The following CENPC variants were observed in gnomAD, a reference collection of about 807,000 sequenced individuals.
CENPC encodes the protein centromere protein C.
Under a neutral mutation model 112.1 loss-of-function variants are expected in CENPC, and 63 were observed. The observed-to-expected ratio is 0.56, with a 90% confidence interval of 0.46 to 0.69. The LOEUF is 0.69. Among genes scored for constraint, CENPC ranks in the 30% least tolerant of loss-of-function variants. CENPC has a pLI of 0.00. For missense variants in CENPC, 1,000 were observed against 1,103.8 expected, an observed-to-expected ratio of 0.91 and a Z score of 1.33; for synonymous variants, 333 against 367.6, an observed-to-expected ratio of 0.91 and a Z score of 1.08.
intron 10 of CENPC, 55 bp downstream of exon 10, chr4:67,508,759 A>G (rs1725805503): frequency 2.0e-6 from 3 of 1,526,608 alleles, no homozygotes; most frequent in Non-Finnish European, 2.7e-6. Context: ...AATAGCACAA[A>G]TTATTAAATG....
chr4:67,536,457 A>G (rs920595373), intron 4 of CENPC, among the ~76,000 whole-genome samples: 3 of 152,222 alleles, frequency 2.0e-5, no homozygotes, highest in African/African-American at 7.2e-5. Context: ...GTTGTGTTTC[A>G]GTTAAAACCT....
At chr4:67,508,649 C>G (rs977321707) in intron 10 of CENPC, among the ~76,000 whole-genome samples, 165 bp downstream of exon 10, 2 of 151,818 alleles carry the variant, frequency 1.3e-5, no homozygotes, top group East Asian at 3.9e-4. Flanking sequence ...TACTACTTTG[C>G]CTGTGTGTCA....
At position 67,514,694 on chromosome 4, in the gene CENPC, C is replaced by G. The variant is rs1726007443; in HGVS notation, c.831-7G>C. Reference sequence around the variant, plus strand: ...CGCATGCCTAACAATGGGACTGAAACAGGGTGATACTTTTAACAGTTCAAA... The same window carrying G: ...CGCATGCCTAACAATGGGACTGAAAGAGGGTGATACTTTTAACAGTTCAAA... On this transcript the variant is annotated splice_polypyrimidine_tract_variant and splice_region_variant and intron_variant, in intron 7 of 18. Transcript: ENST00000273853. 1 of 1,595,262 alleles carries G rather than the reference C, an allele frequency of 6.3e-7. No homozygotes were observed. The highest frequency in any genetic ancestry group is 8.5e-7 in the Non-Finnish European group (1 of 1,169,640).
chr4:67,515,969 T>C (rs1726047180), intron 7 of CENPC, among the ~76,000 whole-genome samples: 1 of 152,058 alleles, frequency 6.6e-6, no homozygotes, highest in African/African-American at 2.4e-5. Flanking sequence ...GCAGAAAGCC[T>C]ATATCATGAA....
chr4:67,543,007 G>A (rs1464638876), intron 2 of CENPC, among the ~76,000 whole-genome samples: 2 of 152,120 alleles, frequency 1.3e-5, no homozygotes, highest in Non-Finnish European at 2.9e-5. Flanking sequence ...TAGCATAAAA[G>A]CACCTCCACC....
At chr4:67,492,138 A>C (rs1427620055) in intron 16 of CENPC, 42 bp downstream of exon 16, 3 of 1,280,786 alleles carry the variant, frequency 2.3e-6, no homozygotes, top group Non-Finnish European at 3.3e-6. Flanking sequence ...TTTTCTTACA[A>C]ATTGTTTAAT....
intron 13 of CENPC, 91 bp downstream of exon 13, chr4:67,495,068 C>T (rs1198441318): frequency 8.3e-7 from 1 of 1,203,604 alleles, no homozygotes; most frequent in Non-Finnish European, 1.1e-6. Context: ...AATCGTATTT[C>T]TCCTGCTTAA....
At position 67,470,370 on chromosome 4, in the gene CENPC, G is replaced by C. The variant is rs190354354; in HGVS notation, c.*2235C>G. On this transcript the variant is annotated 3_prime_UTR_variant, in exon 19 of 19. Coordinates refer to ENST00000273853, the MANE Select transcript of CENPC (RefSeq NM_001812.4). The stretch of plus-strand genomic sequence containing the variant: ...TGGATCACCCTGAGGTCAGGAATTC[G>C]AGACAGCCCTGGCCAACATGGTGAA... The C allele has an allele frequency of 2.6e-5, 4 of 152,080 alleles. No homozygotes were observed. The highest frequency in any genetic ancestry group is 9.7e-5 in the African/African-American group (4 of 41,376). The allele number at this position is 152,080 out of a possible 1,614,324, so 9.4% of individuals were successfully genotyped here.
chr4:67,491,464 TATATATATATATATATAGAG>T (rs1303503883), intron 16 of CENPC, among the ~76,000 whole-genome samples: 97 of 66,328 alleles, frequency 1.5e-3, no homozygotes, highest in African/African-American at 4.5e-3. Context: ...TATATATATA[TATATATATATATATATAGAG>T]AGAGAGAGAG....
At position 67,498,022 on chromosome 4, in the gene CENPC, G is replaced by A. The variant is rs188749306; in HGVS notation, c.2132-2810C>T. Among the ~76,000 whole-genome samples, 366 of 152,190 alleles carry A rather than the reference G, an allele frequency of 2.4e-3. 2 individuals are homozygous for A. Among genetic ancestry groups the A allele is most frequent in the African/African-American group, 8.3e-3 (345 of 41,542 alleles). ...CAGGAGGGTGGATCACTTGAGGCCA[G>A]GAGTTTGAGACAAGCCCGACCAACA... On this transcript the variant is annotated intron_variant, in intron 12 of 18. Transcript: ENST00000273853.
intron 12 of CENPC, among the ~76,000 whole-genome samples, chr4:67,502,456 A>T (rs1725618099): frequency 6.6e-6 from 1 of 152,222 alleles, no homozygotes; most frequent in African/African-American, 2.4e-5. Flanking sequence ...ATTAGACAAA[A>T]CAAACTACAA....
rs573438057 is a variant in CENPC, at chr4:67,473,923, C to T, written c.2761+965G>A. Among the ~76,000 whole-genome samples, 21 of 152,294 alleles carry T rather than the reference C, an allele frequency of 1.4e-4. No homozygotes were observed. The East Asian group carries it at 4.1e-3, about 29-fold the overall frequency. On this transcript the variant is annotated intron_variant, in intron 18 of 18. Transcript: ENST00000273853. ...TTAAAATGCCTATTTACAATAACTT[C>T]TGCTGTTCGATAGCTGATGAAGCAT...
chr4:67,479,825 T>C (rs1724903567), intron 17 of CENPC, among the ~76,000 whole-genome samples: 1 of 152,072 alleles, frequency 6.6e-6, no homozygotes, highest in Non-Finnish European at 1.5e-5. Context: ...ATGGGAGATA[T>C]TACAACCAAT....
At chr4:67,534,070 G>T (rs1043213050) in intron 4 of CENPC, among the ~76,000 whole-genome samples, 1 of 151,586 alleles carries the variant, frequency 6.6e-6, no homozygotes, top group African/African-American at 2.4e-5. Flanking sequence ...GGTGTTAAAA[G>T]CGTGTATAGT....
At position 67,492,167 on chromosome 4, in the gene CENPC, T is replaced by C; in HGVS notation, c.2515+13A>G. 6.6e-7 allele frequency: 1 copy of C among 1,504,832 alleles called. No homozygotes were observed. The highest frequency in any genetic ancestry group is 1.4e-5 in the African/African-American group (1 of 72,330). 93.2% of individuals were successfully genotyped at this position (1,504,832 alleles called of 1,614,324 possible). A position where few individuals can be genotyped will look rare whatever the true frequency, so the allele number is the denominator to read the frequency against. On this transcript the variant is annotated intron_variant, in intron 16 of 18. Transcript: ENST00000273853. The stretch of plus-strand genomic sequence containing the variant: ...GTTTAATTAAGTATTTTCAGTATCA[T>C]GCCTGATCTTACCCATGAGAATAAT...
At chr4:67,517,565 C>T (rs1015605079) in intron 7 of CENPC, among the ~76,000 whole-genome samples, 2 of 149,736 alleles carry the variant, frequency 1.3e-5, no homozygotes, top group Non-Finnish European at 2.9e-5. Context: ...CGGCCGGGTG[C>T]GGTGGCTCAA....
At chr4:67,510,137 C>A (rs1167251218) in intron 9 of CENPC, among the ~76,000 whole-genome samples, 1 of 152,116 alleles carries the variant, frequency 6.6e-6, no homozygotes, top group Admixed American at 6.6e-5. Flanking sequence ...CACCTCAGAC[C>A]CCAGTGAATC....
rs867153181 is a variant in CENPC at position 67,478,561 on chromosome 4, T to C, written c.2671-3583A>G. ...CAACTGCTAAAAGGAGTTCTAAATC[T>C]TGAAACAAAAACTCAAAATATATCA... On this transcript the variant is annotated intron_variant, in intron 17 of 18. Transcript: ENST00000273853. Among the ~76,000 whole-genome samples, 13 of 151,730 alleles carry C rather than the reference T, an allele frequency of 8.6e-5. 1 individual carries two copies. Among genetic ancestry groups the C allele is most frequent in the Admixed American group, 5.9e-4 (9 of 15,214 alleles).
intron 6 of CENPC, 89 bp downstream of exon 6, chr4:67,519,128 A>C: frequency 1.1e-6 from 1 of 939,806 alleles, no homozygotes; most frequent in Non-Finnish European, 1.6e-6. Context: ...TCCTTAGTGT[A>C]AAATAATATA....
Sources: gnomAD v4.1 joint callset for allele counts (sites outside exome capture counted in the v4.1 genomes callset) on GRCh38, gnomAD v4.1.1 for gene constraint, MANE v1.5 for transcripts, NCBI Gene and HGNC (gene_info 2026-07-23, HGNC 2026-07-21) for gene names.